The following STXBP5L variants were observed in gnomAD, a reference collection of about 807,000 sequenced individuals.
The protein encoded by STXBP5L is syntaxin-binding protein 5-like.
Under a neutral mutation model 144.5 loss-of-function variants are expected in STXBP5L, and 65 were observed. That is an observed-to-expected ratio of 0.45 (90% CI 0.37 to 0.55). The LOEUF is 0.55. STXBP5L is among the 20% of genes least tolerant of loss of function. STXBP5L has a pLI of 0.00. For synonymous variants in STXBP5L, 505 were observed against 469.6 expected (o/e 1.08, Z -0.97); for missense variants, 1,298 against 1,405.5 (o/e 0.92, Z 1.22).
intron 7 of STXBP5L, among the ~76,000 whole-genome samples, chr3:121,150,917 A>G (rs1325745215): frequency 1.3e-5 from 2 of 151,878 alleles, no homozygotes; most frequent in Non-Finnish European, 2.9e-5. Context: ...GTGAAACCCC[A>G]TCTCTACTAA....
At chr3:121,186,958 T>G (rs1328749834) in intron 9 of STXBP5L, among the ~76,000 whole-genome samples, 2 of 152,180 alleles carry the variant, frequency 1.3e-5, no homozygotes, top group South Asian at 2.1e-4. Context: ...ACTTTTACAC[T>G]GTTGGTGGGA....
chr3:121,114,766 A>G (rs2044157463), intron 5 of STXBP5L, among the ~76,000 whole-genome samples, 159 bp from the exon 6 acceptor site: 1 of 152,142 alleles, frequency 6.6e-6, no homozygotes, highest in African/African-American at 2.4e-5. Flanking sequence ...CTATAATATT[A>G]TTTATCCTAT....
At chr3:121,302,597 G>C (rs958929665) in intron 19 of STXBP5L, among the ~76,000 whole-genome samples, 7 of 152,066 alleles carry the variant, frequency 4.6e-5, no homozygotes, top group African/African-American at 1.4e-4. Context: ...TTTTGAATGT[G>C]TTTGCTCTTG....
At chr3:121,223,690 G>A (rs1001772029) in intron 11 of STXBP5L, among the ~76,000 whole-genome samples, 19 of 152,226 alleles carry the variant, frequency 1.2e-4, no homozygotes, top group African/African-American at 4.3e-4. Context: ...ACTTTGGGAG[G>A]AGAAATGCTT....
rs180834615 is a variant in STXBP5L at position 121,165,685 on chromosome 3, A to T, written c.877+8058A>T. ...AAACAAGGACTCTCAGCAAAGCGAG[A>T]GTCCTGCTAACAGGCTTCCTGTCTC... On this transcript the variant is annotated intron_variant, in intron 9 of 26. Coordinates refer to ENST00000471454, the MANE Select transcript of STXBP5L (RefSeq NM_001308330.2). 2.1e-4 allele frequency among the ~76,000 whole-genome samples: 32 copies of T among 152,224 alleles called. No homozygotes were observed. In the East Asian group the frequency reaches 2.9e-3, roughly 14 times the overall value.
At chr3:121,414,246 AG>A (rs2047184531) in intron 24 of STXBP5L, among the ~76,000 whole-genome samples, 1 of 152,186 alleles carries the variant, frequency 6.6e-6, no homozygotes, top group African/African-American at 2.4e-5. Flanking sequence ...GTGGAGAGAC[AG>A]AAGTAAACAC....
At chr3:121,096,123 G>T (rs2043115689) in intron 5 of STXBP5L, among the ~76,000 whole-genome samples, 3 of 152,028 alleles carry the variant, frequency 2.0e-5, no homozygotes, top group South Asian at 4.1e-4. Flanking sequence ...CCCACTGTCT[G>T]ACAATCCCCA....
At chr3:120,971,807 T>C (rs1009942673) in intron 3 of STXBP5L, among the ~76,000 whole-genome samples, 1 of 151,624 alleles carries the variant, frequency 6.6e-6, no homozygotes, top group Non-Finnish European at 1.5e-5. Flanking sequence ...CACATATATA[T>C]ATATGTCTGT....
At chr3:121,352,278 A>G (rs2045320562) in intron 20 of STXBP5L, among the ~76,000 whole-genome samples, 1 of 152,170 alleles carries the variant, frequency 6.6e-6, no homozygotes, top group Non-Finnish European at 1.5e-5. Context: ...CTTGGGCAGT[A>G]TGGCCATTTT....
chr3:121,370,034 G>C (rs767547260), intron 20 of STXBP5L, among the ~76,000 whole-genome samples: 7 of 152,090 alleles, frequency 4.6e-5, no homozygotes, highest in Non-Finnish European at 1.0e-4. Flanking sequence ...CCCTCTTGCT[G>C]TTCTTGTGAT....
At position 121,422,480 on chromosome 3, in the gene STXBP5L, A is replaced by G. The variant is rs1011224814; in HGVS notation, c.*3383A>G. 6 of 152,180 alleles carry G rather than the reference A, an allele frequency of 3.9e-5. No individual in the cohort carries two copies. The highest frequency in any genetic ancestry group is 8.8e-5 in the Non-Finnish European group (6 of 68,018). 9.4% of individuals were successfully genotyped at this position (152,180 alleles called of 1,614,324 possible). ...AGCTAGAGGTATTTGTTTCCCTGATAATAACGTGAGCAATAGTCCCTACCT... is the reference window on the plus strand; with the variant it reads ...AGCTAGAGGTATTTGTTTCCCTGATGATAACGTGAGCAATAGTCCCTACCT... On this transcript the variant is annotated 3_prime_UTR_variant, in exon 27 of 27. Coordinates refer to ENST00000471454, the MANE Select transcript of STXBP5L (RefSeq NM_001308330.2).
chr3:121,144,283 T>C (rs1165612666), intron 7 of STXBP5L, among the ~76,000 whole-genome samples: 5 of 151,804 alleles, frequency 3.3e-5, no homozygotes, highest in Non-Finnish European at 1.5e-5. Context: ...CTATTGAACT[T>C]AAGGTGTTAT....
chr3:120,915,807 A>G (rs1159315720), intron 2 of STXBP5L, among the ~76,000 whole-genome samples: 3 of 152,130 alleles, frequency 2.0e-5, no homozygotes, highest in Non-Finnish European at 4.4e-5. Flanking sequence ...TAGAAATAAC[A>G]TTTAAAGGAT....
At chr3:121,084,928 C>T (rs906953210) in intron 5 of STXBP5L, among the ~76,000 whole-genome samples, 1 of 152,074 alleles carries the variant, frequency 6.6e-6, no homozygotes, top group Admixed American at 6.6e-5. Flanking sequence ...GAGATAGTAT[C>T]TCATTCTAAT....
intron 3 of STXBP5L, among the ~76,000 whole-genome samples, chr3:121,007,847 T>C (rs957490179): frequency 1.3e-5 from 2 of 152,024 alleles, no homozygotes; most frequent in African/African-American, 4.8e-5. Context: ...TACACATCTT[T>C]TACTACACAG....
intron 5 of STXBP5L, among the ~76,000 whole-genome samples, chr3:121,065,236 T>C (rs2041485147): frequency 6.6e-6 from 1 of 152,214 alleles, no homozygotes; most frequent in African/African-American, 2.4e-5. Flanking sequence ...GAATGATTTA[T>C]TTTCCTTTGG....
intron 9 of STXBP5L, among the ~76,000 whole-genome samples, chr3:121,203,454 T>G (rs1308709544): frequency 6.6e-6 from 1 of 152,188 alleles, no homozygotes; most frequent in African/African-American, 2.4e-5. Flanking sequence ...ACAGTGAATT[T>G]TAAGCCTCTG....
At position 121,324,946 on chromosome 3, in the gene STXBP5L, A is replaced by AT. The variant is rs1037935895; in HGVS notation, c.2176+6414dup. On this transcript the variant is annotated intron_variant, in intron 20 of 26. Coordinates refer to ENST00000471454, the MANE Select transcript of STXBP5L (RefSeq NM_001308330.2). ...ATCTTAAGATCCAAACAATAGTAAG[A>AT]TTTTTTTTATATTCTCTGTAATTCT... 2.7e-4 allele frequency among the ~76,000 whole-genome samples: 41 copies of AT among 151,330 alleles called. 1 individual carries two copies. Among genetic ancestry groups the AT allele is most frequent in the Non-Finnish European group, 7.4e-5 (5 of 67,822 alleles).
rs143968122 is a variant in STXBP5L, at chr3:121,172,957, A to G, written c.877+15330A>G. Among the ~76,000 whole-genome samples, 830 of 152,296 alleles carry G rather than the reference A, an allele frequency of 5.4e-3. 12 individuals are homozygous for G. The highest frequency in any genetic ancestry group is 0.019 in the African/African-American group (793 of 41,572). On this transcript the variant is annotated intron_variant, in intron 9 of 26. Coordinates refer to ENST00000471454, the MANE Select transcript of STXBP5L (RefSeq NM_001308330.2). ...AATGTCCATCAGTGATAGACTGGATAAAGAAACTGTGGCACATACACACCA... is the reference window on the plus strand; with the variant it reads ...AATGTCCATCAGTGATAGACTGGATGAAGAAACTGTGGCACATACACACCA...
Sources: gnomAD v4.1 joint callset for allele counts (sites outside exome capture counted in the v4.1 genomes callset) on GRCh38, gnomAD v4.1.1 for gene constraint, MANE v1.5 for transcripts, NCBI Gene and HGNC (gene_info 2026-07-23, HGNC 2026-07-21) for gene names.